MICAL2: variants seen among roughly 807,000 people sequenced by gnomAD.
MICAL2 encodes the protein [F-actin]-monooxygenase MICAL2.
MICAL2 carries 77 observed loss-of-function variants against 127.3 expected under a neutral mutation model. That is an observed-to-expected ratio of 0.60 (90% confidence interval 0.50 to 0.73). The LOEUF (loss-of-function observed/expected upper bound fraction) is 0.73. MICAL2 is among the 30% of genes least tolerant of loss of function. The probability of loss-of-function intolerance (pLI) is 0.00; values close to 1 mark genes in which losing one functional copy is unlikely to be tolerated. For missense variants in MICAL2, 1,351 were observed against 1,434.4 expected (o/e 0.94, Z 0.94); for synonymous variants, 570 against 551.1 (o/e 1.03, Z -0.48).
intron 32 of MICAL2, among the ~76,000 whole-genome samples, chr11:12,337,615 A>G (rs569499331): frequency 1.1e-4 from 17 of 150,798 alleles, no homozygotes; most frequent in African/African-American, 4.1e-4. Context: ...CCCTCTACAC[A>G]CTGCTTTGAA....
chr11:12,273,049 TG>T (rs1863689547), upstream of MICAL2, among the ~76,000 whole-genome samples: 2 of 152,112 alleles, frequency 1.3e-5, no homozygotes, highest in Admixed American at 1.3e-4. Context: ...AGAAAAGAAC[TG>T]GGGGCACTTT....
chr11:12,314,586 C>T (rs559272137), intron 29 of MICAL2, among the ~76,000 whole-genome samples: 2 of 151,910 alleles, frequency 1.3e-5, no homozygotes, highest in African/African-American at 2.4e-5. Flanking sequence ...TCACGCCATT[C>T]CCCTGCCTCA....
downstream of MICAL2, among the ~76,000 whole-genome samples, chr11:12,360,127 A>AAAAAAAT (rs386373113): frequency 2.0e-5 from 3 of 151,598 alleles, no homozygotes; most frequent in Non-Finnish European, 4.4e-5. Context: ...TTTAAAAAAA[A>AAAAAAAT]AATAAGAATC....
chr11:12,326,842 A>C (rs1590738873), intron 31 of MICAL2, among the ~76,000 whole-genome samples: 1 of 152,192 alleles, frequency 6.6e-6, no homozygotes, highest in African/African-American at 2.4e-5. Flanking sequence ...TGCCACGGCC[A>C]TAGTTAGGAG....
Position 12,312,504 on chromosome 11 carries a change from T to C in MICAL2, c.5213-7192T>C, listed in dbSNP as rs75774596. ...GATCCACAGCGTGTTTAGAAAAATA[T>C]TACTTAATTTTGTCAAGTCCAAGAG... On this transcript the variant is annotated intron_variant, in intron 29 of 34. Coordinates refer to the MICAL2 transcript ENST00000646065. Among the ~76,000 whole-genome samples the C allele has an allele frequency of 5.3e-4, 80 of 152,268 alleles. 1 individual carries two copies. In the East Asian group the frequency reaches 0.014, roughly 27 times the overall value.
chr11:12,256,721 T>C, intron 23 of MICAL2, 64 bp from the exon 24 acceptor site: 1 of 1,440,500 alleles, frequency 6.9e-7, no homozygotes. Flanking sequence ...CTAAAAGCCT[T>C]GGCCTGGCAT....
intron 1 of MICAL2, among the ~76,000 whole-genome samples, chr11:12,123,172 A>T (rs1221401532): frequency 1.3e-5 from 2 of 152,136 alleles, no homozygotes; most frequent in Non-Finnish European, 2.9e-5. Context: ...TAAAATTTTT[A>T]TTCTATATTT....
intron 30 of MICAL2, among the ~76,000 whole-genome samples, chr11:12,320,476 T>C (rs1864280476): frequency 1.3e-5 from 2 of 152,240 alleles, no homozygotes; most frequent in South Asian, 4.2e-4. Context: ...AAGCCCATCA[T>C]TGTTTTCTTT....
intron 1 of MICAL2, among the ~76,000 whole-genome samples, chr11:12,129,103 C>G (rs926345181): frequency 6.6e-6 from 1 of 150,734 alleles, no homozygotes; most frequent in African/African-American, 2.4e-5. Context: ...GTGTAGGTCT[C>G]CCCTTTACAA....
downstream of MICAL2, chr11:12,294,146 C>A (rs1370764965): frequency 4.3e-6 from 7 of 1,613,834 alleles, no homozygotes; most frequent in East Asian, 1.6e-4. Context: ...AGCAGGAGAG[C>A]CCCTGCCAAC....
chr11:12,185,521 A>G (rs894558274), intron 3 of MICAL2, among the ~76,000 whole-genome samples: 1 of 152,024 alleles, frequency 6.6e-6, no homozygotes, highest in Non-Finnish European at 1.5e-5. Context: ...CACTTGCTGT[A>G]TTGCCTGGGG....
intron 1 of MICAL2, among the ~76,000 whole-genome samples, chr11:12,119,515 T>C (rs1850328426): frequency 1.3e-5 from 2 of 152,092 alleles, no homozygotes; most frequent in South Asian, 4.1e-4. Flanking sequence ...GCCAAGGAGG[T>C]GAAGGCAACT....
intron 32 of MICAL2, among the ~76,000 whole-genome samples, chr11:12,333,209 T>C (rs1468441180): frequency 6.6e-6 from 1 of 152,122 alleles, no homozygotes; most frequent in Non-Finnish European, 1.5e-5. Context: ...TAACAAACAC[T>C]TAATCCCGTT....
At chr11:12,235,970 C>T (rs1300123917) in intron 15 of MICAL2, among the ~76,000 whole-genome samples, 2 of 152,170 alleles carry the variant, frequency 1.3e-5, no homozygotes, top group African/African-American at 4.8e-5. Context: ...AGGTTCTCTC[C>T]GCTGTGCCTG....
At chr11:12,150,822 G>T (rs900210515) in intron 2 of MICAL2, among the ~76,000 whole-genome samples, 3 of 152,144 alleles carry the variant, frequency 2.0e-5, no homozygotes, top group African/African-American at 7.2e-5. Flanking sequence ...CAGAGAGTTG[G>T]TTAAGGCGAG....
chr11:12,319,300 G>T (rs569518675), intron 29 of MICAL2, among the ~76,000 whole-genome samples: 5 of 152,114 alleles, frequency 3.3e-5, no homozygotes, highest in African/African-American at 1.2e-4. Context: ...TCTGCAGAAC[G>T]AACCTTACAC....
intron 15 of MICAL2, among the ~76,000 whole-genome samples, chr11:12,234,031 G>T (rs1165750929): frequency 6.6e-6 from 1 of 152,186 alleles, no homozygotes. Context: ...GACTGCATTT[G>T]GTTGTCCCAT....
At chr11:12,191,757 A>G (rs1489005469) in intron 3 of MICAL2, among the ~76,000 whole-genome samples, 1 of 148,814 alleles carries the variant, frequency 6.7e-6, no homozygotes, top group Non-Finnish European at 1.5e-5. Context: ...ACAGAGTGAG[A>G]CCCTGTCTCC....
At chr11:12,166,090 C>T (rs554807514) in intron 3 of MICAL2, among the ~76,000 whole-genome samples, 1 of 152,234 alleles carries the variant, frequency 6.6e-6, no homozygotes, top group East Asian at 1.9e-4. Flanking sequence ...GAAAACGACC[C>T]AGAAGAACCT....
Sources: gnomAD v4.1 joint callset for allele counts (sites outside exome capture counted in the v4.1 genomes callset) on GRCh38, gnomAD v4.1.1 for gene constraint, MANE v1.5 for transcripts, NCBI Gene and HGNC (gene_info 2026-07-23, HGNC 2026-07-21) for gene names.